The following CNTLN variants were observed in gnomAD, a reference collection of about 807,000 sequenced individuals.
CNTLN encodes the protein centlein.
A neutral mutation model predicts 180.0 loss-of-function variants in CNTLN; 212 were observed. The ratio of observed to expected loss-of-function variants is 1.18; its 90% CI spans 1.05 to 1.32. The LOEUF (loss-of-function observed/expected upper bound fraction) is 1.32, where lower values mean the gene tolerates loss of function less well. CNTLN is among the 40% of genes most tolerant of loss of function. CNTLN has a pLI of 0.00. For missense variants in CNTLN, 2,095 were observed against 1,610.9 expected, an observed-to-expected ratio of 1.30 and a Z score of -5.14; for synonymous variants, 722 against 563.1, an observed-to-expected ratio of 1.28 and a Z score of -3.99.
chr9:17,253,093 T>C (rs1163474431), intron 5 of CNTLN, among the ~76,000 whole-genome samples: 1 of 151,820 alleles, frequency 6.6e-6, no homozygotes, highest in Non-Finnish European at 1.5e-5. Flanking sequence ...TTGGTGGATT[T>C]ACTTCTGGGT....
At chr9:17,154,985 G>A (rs1461167861) in intron 2 of CNTLN, among the ~76,000 whole-genome samples, 2 of 152,098 alleles carry the variant, frequency 1.3e-5, no homozygotes, top group African/African-American at 4.8e-5. Flanking sequence ...GAAGGTCTAC[G>A]GCTTCACTCC....
In CNTLN at chr9:17,135,399, C is replaced by CT. The variant is rs1189528289; in HGVS notation, c.335dup (p.Glu114GlyfsTer9). 1.3e-6 allele frequency: 2 copies of CT among 1,597,846 alleles called. No homozygotes were observed. Among genetic ancestry groups the CT allele is most frequent in the South Asian group, 2.3e-5 (2 of 87,704 alleles). On this transcript the variant is annotated frameshift_variant, in exon 1 of 26. Coordinates refer to ENST00000380647, the MANE Select transcript of CNTLN (RefSeq NM_017738.4). LOFTEE classifies it high-confidence loss of function. Reference sequence around the variant, plus strand: ...GCTGCTGGAGGAAGAGCTGAGCAGCCTAAAGGAGGAGTTGGCCCTGTGTCA... The same window carrying CT: ...GCTGCTGGAGGAAGAGCTGAGCAGCCTTAAAGGAGGAGTTGGCCCTGTGTCA...
At chr9:17,369,911 C>T (rs1409598084) in intron 13 of CNTLN, among the ~76,000 whole-genome samples, 1 of 150,606 alleles carries the variant, frequency 6.6e-6, no homozygotes, top group East Asian at 2.0e-4. Context: ...CGCTTGACCC[C>T]GGGAGGCGGA....
intron 13 of CNTLN, among the ~76,000 whole-genome samples, chr9:17,367,327 C>A (rs3861711): frequency 0.55 from 83,871 of 151,964 alleles, 23,937 homozygotes; most frequent in East Asian, 0.73. Flanking sequence ...AGAGGACAAT[C>A]ACCCATCCCA....
chr9:17,341,078 T>A lies in CNTLN; in HGVS notation c.1766+130T>A, dbSNP rs1031469991. 7 of 781,142 alleles carry A rather than the reference T, an allele frequency of 9.0e-6. No individual in the cohort carries two copies. The Admixed American group carries it at 2.4e-4, about 27-fold the overall frequency. The allele number at this position is 781,142 out of a possible 1,614,324, so 48.4% of individuals were successfully genotyped here. The stretch of plus-strand genomic sequence containing the variant: ...TGGTAGTCAAATCTTTATTGTGAAT[T>A]TTTAAATGGAGAATATAACAAATTA... On this transcript the variant is annotated intron_variant, in intron 11 of 25. Transcript: ENST00000380647.
At chr9:17,245,553 T>C (rs913628533) in intron 5 of CNTLN, among the ~76,000 whole-genome samples, 4 of 152,060 alleles carry the variant, frequency 2.6e-5, no homozygotes, top group African/African-American at 9.7e-5. Flanking sequence ...TCATGGTCTA[T>C]AACCTTTTTG....
chr9:17,373,112 G>T (rs916785833), intron 13 of CNTLN, among the ~76,000 whole-genome samples: 7 of 152,100 alleles, frequency 4.6e-5, no homozygotes, highest in Admixed American at 2.0e-4. Context: ...ATTCAACATA[G>T]TACTGGATGT....
At chr9:17,475,480 A>G (rs1384698145) in intron 23 of CNTLN, among the ~76,000 whole-genome samples, 1 of 151,552 alleles carries the variant, frequency 6.6e-6, no homozygotes. Context: ...AGCTCCATCA[A>G]TCTAACACAA....
At chr9:17,135,717 C>T (rs574432918) in intron 1 of CNTLN, among the ~76,000 whole-genome samples, 5 of 152,232 alleles carry the variant, frequency 3.3e-5, no homozygotes, top group African/African-American at 9.6e-5. Context: ...CGCTTCCCCC[C>T]CAAGCCCAAG....
At chr9:17,383,972 G>T (rs546882292) in intron 13 of CNTLN, among the ~76,000 whole-genome samples, 2 of 151,992 alleles carry the variant, frequency 1.3e-5, no homozygotes, top group Admixed American at 1.3e-4. Flanking sequence ...CAGAAACACA[G>T]TTACAATGTT....
chr9:17,468,222 G>T (rs1831858093), intron 23 of CNTLN, among the ~76,000 whole-genome samples: 1 of 151,544 alleles, frequency 6.6e-6, no homozygotes, highest in African/African-American at 2.4e-5. Context: ...GGCAACAATA[G>T]ACATCGGGGC....
chr9:17,352,818 C>T (rs1297821114), intron 12 of CNTLN, among the ~76,000 whole-genome samples: 1 of 152,124 alleles, frequency 6.6e-6, no homozygotes, highest in Non-Finnish European at 1.5e-5. Flanking sequence ...AATATGTGAC[C>T]TTTGTGTCTG....
At chr9:17,376,775 A>G (rs565250093) in intron 13 of CNTLN, among the ~76,000 whole-genome samples, 5 of 152,258 alleles carry the variant, frequency 3.3e-5, no homozygotes, top group South Asian at 2.1e-4. Context: ...ATGGCCAGAT[A>G]CGGAGAAGGC....
Position 17,446,586 on chromosome 9 carries a change from A to C in CNTLN, c.3115-10938A>C, listed in dbSNP as rs1220722254. Among the ~76,000 whole-genome samples the C allele has an allele frequency of 2.0e-5, 3 of 152,174 alleles. No individual in the cohort carries two copies. In the East Asian group the frequency reaches 5.8e-4, roughly 29 times the overall value. On this transcript the variant is annotated intron_variant, in intron 18 of 25. Transcript: ENST00000380647. ...CATACTTTTCAGAGGCTTACTGAGA[A>C]ATTCTTTATCTTATAAAATTTAAAT...
intron 2 of CNTLN, among the ~76,000 whole-genome samples, chr9:17,146,489 C>T (rs1452855406): frequency 2.6e-5 from 4 of 152,138 alleles, no homozygotes; most frequent in Non-Finnish European, 5.9e-5. Flanking sequence ...GTGATTACAT[C>T]ATGAGGGCTC....
At chr9:17,345,688 T>G (rs1468337411) in intron 12 of CNTLN, among the ~76,000 whole-genome samples, 1 of 152,114 alleles carries the variant, frequency 6.6e-6, no homozygotes, top group Non-Finnish European at 1.5e-5. Context: ...TACAGTTATC[T>G]CAAATATTTT....
intron 7 of CNTLN, chr9:17,301,894 C>G (rs1818382408): frequency 6.5e-6 from 6 of 929,206 alleles, no homozygotes; most frequent in African/African-American, 1.8e-5. Flanking sequence ...TGTTAGCACA[C>G]TAGTATTTTT....
chr9:17,377,594 T>C (rs1824881155), intron 13 of CNTLN, among the ~76,000 whole-genome samples: 1 of 152,146 alleles, frequency 6.6e-6, no homozygotes. Context: ...CAAGCATTTT[T>C]TTCAAGAAGG....
At chr9:17,388,354 T>A in intron 14 of CNTLN, 101 bp downstream of exon 14, 1 of 701,276 alleles carries the variant, frequency 1.4e-6, no homozygotes, top group Non-Finnish European at 2.3e-6. Context: ...AAACCTTGTG[T>A]GAATCCTTAA....
Sources: gnomAD v4.1 joint callset for allele counts (sites outside exome capture counted in the v4.1 genomes callset) on GRCh38, gnomAD v4.1.1 for gene constraint, MANE v1.5 for transcripts, NCBI Gene and HGNC (gene_info 2026-07-23, HGNC 2026-07-21) for gene names.